TMEM229B: variants seen among roughly 807,000 people sequenced by gnomAD.
The protein encoded by TMEM229B is chromosome 14 open reading frame 83.
In TMEM229B, 6 loss-of-function variants were observed where a neutral mutation model predicts 13.7. The observed-to-expected ratio is 0.44, with a 90% CI of 0.24 to 0.86. TMEM229B has a LOEUF of 0.86. Among genes scored for constraint, TMEM229B ranks in the 40% least tolerant of loss-of-function variants. TMEM229B has a pLI of 0.23. For synonymous variants in TMEM229B, 107 were observed against 102.1 expected, an observed-to-expected ratio of 1.05 and a Z score of -0.29; for missense variants, 170 against 236.0, an observed-to-expected ratio of 0.72 and a Z score of 1.83.
intron 2 of TMEM229B, among the ~76,000 whole-genome samples, chr14:67,486,601 C>G (rs2031896784): frequency 1.3e-5 from 2 of 152,140 alleles, no homozygotes. Context: ...GGGAGAGTTT[C>G]CCTGCACAAG....
chr14:67,481,433 C>T (rs2031581424), intron 2 of TMEM229B, among the ~76,000 whole-genome samples: 2 of 152,064 alleles, frequency 1.3e-5, no homozygotes, highest in Admixed American at 6.5e-5. Context: ...AGACAGTGTC[C>T]GAGGGCAGAA....
intron 1 of TMEM229B, among the ~76,000 whole-genome samples, chr14:67,523,339 A>G (rs1594722895): frequency 6.6e-6 from 1 of 152,058 alleles, no homozygotes; most frequent in East Asian, 1.9e-4. Flanking sequence ...AAAAAAAAGA[A>G]AAGAAAAAAG....
At position 67,473,546 on chromosome 14, in the gene TMEM229B, G is replaced by A. The variant is rs746691187; in HGVS notation, c.378C>T (p.Cys126=). The change falls in exon 3 of 3, where the codon TGC becomes TGT. Residue 126 remains cysteine (C), a synonymous_variant. Transcript: ENST00000554480. This position sits in a 1 kb window ranked among gnomAD's most constrained non-coding sequence, Gnocchi z 6.5. Reference sequence around the variant, plus strand: ...TGAACTGCTCCATGATGAGGGCCCCGCAGAACCAGGGCACGGCGTACTCCA... The same window carrying A: ...TGAACTGCTCCATGATGAGGGCCCCACAGAACCAGGGCACGGCGTACTCCA... ...ITLEYAVPWF[C]GALIMEQFII... 126 of 1,613,756 alleles carry A rather than the reference G, an allele frequency of 7.8e-5. No individual in the cohort carries two copies. The highest frequency in any genetic ancestry group is 1.1e-4 in the Non-Finnish European group (126 of 1,179,884).
chr14:67,520,612 T>G (rs2033276865), intron 1 of TMEM229B, among the ~76,000 whole-genome samples: 1 of 152,246 alleles, frequency 6.6e-6, no homozygotes, highest in South Asian at 2.1e-4. Flanking sequence ...TGCTTGCAAA[T>G]TATGGCAATT....
intron 1 of TMEM229B, among the ~76,000 whole-genome samples, chr14:67,494,418 G>T (rs1176152426): frequency 6.6e-6 from 1 of 152,236 alleles, no homozygotes; most frequent in Non-Finnish European, 1.5e-5. Context: ...GCAGGGCTAG[G>T]ATTTGAAGCC....
chr14:67,529,308 C>T (rs994852876), intron 1 of TMEM229B, among the ~76,000 whole-genome samples: 1 of 152,158 alleles, frequency 6.6e-6, no homozygotes, highest in Admixed American at 6.5e-5. Context: ...AACTGCATTA[C>T]TTCCACCCTG....
At chr14:67,484,146 T>A (rs2031744630) in intron 2 of TMEM229B, among the ~76,000 whole-genome samples, 1 of 152,228 alleles carries the variant, frequency 6.6e-6, no homozygotes, top group South Asian at 2.1e-4. Flanking sequence ...ATTTTCTACA[T>A]AGCACTTTCA....
chr14:67,473,353 T>G lies in TMEM229B; in HGVS notation c.*67A>C. On this transcript the variant is annotated 3_prime_UTR_variant, in exon 3 of 3. Coordinates refer to ENST00000554480, the MANE Select transcript of TMEM229B (RefSeq NM_001348543.2). The surrounding 1 kb of genome is among the most constrained non-coding windows in gnomAD (Gnocchi z 6.5). Reference sequence around the variant, plus strand: ...CTTTTGCTGCATGGATGGGGCAACCTCACCAGCTTGGTCTCTTTGTCCATG... The same window carrying G: ...CTTTTGCTGCATGGATGGGGCAACCGCACCAGCTTGGTCTCTTTGTCCATG... 6.4e-7 allele frequency: 1 copy of G among 1,571,386 alleles called. No homozygotes were observed.
intron 2 of TMEM229B, among the ~76,000 whole-genome samples, chr14:67,482,999 C>T (rs1227839075): frequency 1.3e-5 from 2 of 152,106 alleles, no homozygotes; most frequent in African/African-American, 2.4e-5. Flanking sequence ...AAAGAGGCTA[C>T]GTTCTTTTTT....
At chr14:67,490,659 T>C (rs149086924), upstream of TMEM229B, among the ~76,000 whole-genome samples, 1,543 of 152,284 alleles carry the variant, frequency 0.01, 19 homozygotes, top group Middle Eastern at 0.024. Context: ...GAGTCTCTGC[T>C]TCTCTGACCA....
intron 1 of TMEM229B, among the ~76,000 whole-genome samples, chr14:67,510,157 A>G (rs1020706008): frequency 6.6e-6 from 1 of 152,244 alleles, no homozygotes; most frequent in Non-Finnish European, 1.5e-5. Context: ...GATAATTAAT[A>G]GTAGCTATCT....
intron 1 of TMEM229B, among the ~76,000 whole-genome samples, chr14:67,528,897 A>AATCTGTATT (rs2140283610): frequency 1.3e-5 from 2 of 152,206 alleles, no homozygotes; most frequent in African/African-American, 4.8e-5. Context: ...GGTGGCCTGG[A>AATCTGTATT]ATCTGTATTT....
rs757183130 is a variant in TMEM229B at position 67,508,753 on chromosome 14, C to CAAAAA, written c.-192+6328_-192+6332dup. Among the ~76,000 whole-genome samples the CAAAAA allele has an allele frequency of 2.9e-3, 137 of 46,716 alleles. 9 individuals are homozygous for CAAAAA. The East Asian group carries it at 0.039, about 13-fold the overall frequency. 30.6% of individuals were successfully genotyped at this position (46,716 alleles called of 152,430 possible). A position where few individuals can be genotyped will look rare whatever the true frequency, so the allele number is the denominator to read the frequency against. On this transcript the variant is annotated intron_variant, in intron 1 of 2. Coordinates refer to the TMEM229B transcript ENST00000357461. The stretch of plus-strand genomic sequence containing the variant: ...TGGGTGACAGAGCAAAACCTTGTCT[C>CAAAAA]AAAAAAAAAAAAAAAAAACAGAAGA...
rs534550679 is a variant in TMEM229B at position 67,527,978 on chromosome 14, A to G, written c.-192+5658T>C. Among the ~76,000 whole-genome samples the G allele has an allele frequency of 4.6e-5, 7 of 151,530 alleles. No homozygotes were observed. In the South Asian group the frequency reaches 1.5e-3, roughly 32 times the overall value. On this transcript the variant is annotated intron_variant, in intron 1 of 2. Coordinates refer to the TMEM229B transcript ENST00000554278. ...CCAGTTGCCCTGTACTGAGCCACCT[A>G]CTCCTCCACGCTCTCCCTCTCCTAC...
intron 1 of TMEM229B, among the ~76,000 whole-genome samples, chr14:67,510,290 GA>G (rs1244729406): frequency 6.6e-6 from 1 of 152,242 alleles, no homozygotes; most frequent in Non-Finnish European, 1.5e-5. Context: ...TCAGAGGGCT[GA>G]AATGGGCTGT....
At chr14:67,474,093 A>C (rs1414073271) in intron 2 of TMEM229B, among the ~76,000 whole-genome samples, 152 bp from the exon 3 acceptor site, 2 of 152,106 alleles carry the variant, frequency 1.3e-5, no homozygotes, top group African/African-American at 4.8e-5. Context: ...CTCTACTAAA[A>C]ATACAAAAAT....
intron 1 of TMEM229B, among the ~76,000 whole-genome samples, chr14:67,509,044 A>C (rs78177171): frequency 0.041 from 6,261 of 152,274 alleles, 171 homozygotes; most frequent in Non-Finnish European, 0.062. Context: ...TTCTATGACT[A>C]GTGGCAGTAG....
At chr14:67,477,308 T>G (rs577871923) in intron 2 of TMEM229B, among the ~76,000 whole-genome samples, 1 of 152,226 alleles carries the variant, frequency 6.6e-6, no homozygotes, top group Non-Finnish European at 1.5e-5. Flanking sequence ...TCTTCCTGTC[T>G]TTCATCTCCA....
At chr14:67,489,946 C>T (rs753088911), upstream of TMEM229B, among the ~76,000 whole-genome samples, 8 of 151,372 alleles carry the variant, frequency 5.3e-5, no homozygotes, top group African/African-American at 7.3e-5. Context: ...TCTGAGACCA[C>T]GCCACTGCAC....
Sources: allele counts gnomAD v4.1 joint callset (sites outside exome capture counted in the v4.1 genomes callset), GRCh38; gene constraint gnomAD v4.1.1; non-coding constraint Gnocchi (gnomAD v3.1); transcripts MANE v1.5; gene names NCBI Gene and HGNC (gene_info 2026-07-23, HGNC 2026-07-21).